The following ANKHD1 variants were observed in gnomAD, a reference collection of about 807,000 sequenced individuals.
ANKHD1 encodes the protein ankyrin repeat and KH domain-containing protein 1.
In ANKHD1, 31 loss-of-function variants were observed where a neutral mutation model predicts 230.5. The ratio of observed to expected loss-of-function variants is 0.13; its 90% CI spans 0.10 to 0.18. ANKHD1 has a LOEUF of 0.18. Among genes scored for constraint, ANKHD1 ranks in the 10% least tolerant of loss-of-function variants. The pLI, the probability that ANKHD1 is intolerant of heterozygous loss-of-function variation, is 1.00. For synonymous variants in ANKHD1, 1,074 were observed against 1,117.6 expected, an observed-to-expected ratio of 0.96 and a Z score of 0.78; for missense variants, 2,256 against 3,071.3, an observed-to-expected ratio of 0.73 and a Z score of 6.27.
At chr5:140,428,163 G>A (rs1216980408) in intron 1 of ANKHD1, among the ~76,000 whole-genome samples, 1 of 151,718 alleles carries the variant, frequency 6.6e-6, no homozygotes, top group Non-Finnish European at 1.5e-5. Context: ...TGGGCAGCCA[G>A]GCAGAGGGGC....
At chr5:140,532,962 G>C (rs1311589292) in intron 29 of ANKHD1, 4 of 257,164 alleles carry the variant, frequency 1.6e-5, no homozygotes, top group East Asian at 1.6e-4. Flanking sequence ...GCCAGGCATG[G>C]TGGTGGGTGC....
chr5:140,535,636 G>A (rs925553899), intron 30 of ANKHD1, 98 bp downstream of exon 30: 7 of 1,401,086 alleles, frequency 5.0e-6, no homozygotes, highest in Non-Finnish European at 6.5e-6. Flanking sequence ...AGTAAACTAA[G>A]TGGTATACAG....
Position 140,539,525 on chromosome 5 carries a change from C to A in ANKHD1, c.*107C>A. ...TAAGAAATTTTCTCTGAGGCTTTAG[C>A]AATGGAAATTTGATTGCCCATTGTA... On this transcript the variant is annotated 3_prime_UTR_variant, in exon 34 of 34. Coordinates refer to ENST00000360839, the MANE Select transcript of ANKHD1 (RefSeq NM_017747.3). 1 of 1,276,004 alleles carries A rather than the reference C, an allele frequency of 7.8e-7. No homozygotes were observed. Among genetic ancestry groups the A allele is most frequent in the Non-Finnish European group, 1.1e-6 (1 of 915,606 alleles). The allele number at this position is 1,276,004 out of a possible 1,614,324, so 79.0% of individuals were successfully genotyped here. A position where few individuals can be genotyped will look rare whatever the true frequency, so the allele number is the denominator to read the frequency against.
At chr5:140,421,177 G>A (rs1160649195) in intron 1 of ANKHD1, among the ~76,000 whole-genome samples, 2 of 152,042 alleles carry the variant, frequency 1.3e-5, no homozygotes, top group Non-Finnish European at 2.9e-5. Context: ...GTTGGTTTGG[G>A]TAGTTGTCTT....
chr5:140,470,611 C>CTTTTTTTTT (rs386405120), intron 10 of ANKHD1, among the ~76,000 whole-genome samples: 24 of 71,772 alleles, frequency 3.3e-4, no homozygotes, highest in African/African-American at 7.3e-4. Context: ...CTTGTTTCTG[C>CTTTTTTTTT]TTTTTTTTTT....
intron 29 of ANKHD1, among the ~76,000 whole-genome samples, chr5:140,533,748 C>A (rs1426206007): frequency 7.1e-6 from 1 of 141,672 alleles, no homozygotes; most frequent in Non-Finnish European, 1.5e-5. Flanking sequence ...TGCACTCTAG[C>A]CTGAGTGAGA....
intron 29 of ANKHD1, among the ~76,000 whole-genome samples, chr5:140,533,751 G>GAGTGAGAGAGCAAGACCCTGTCT (rs1753943224): frequency 7.7e-6 from 1 of 130,666 alleles, no homozygotes; most frequent in African/African-American, 2.9e-5. Flanking sequence ...ACTCTAGCCT[G>GAGTGAGAGAGCAAGACCCTGTCT]AGTGAGAGAG....
chr5:140,428,739 G>A (rs1034539424), intron 1 of ANKHD1, among the ~76,000 whole-genome samples: 13 of 152,034 alleles, frequency 8.6e-5, no homozygotes, highest in Non-Finnish European at 1.6e-4. Context: ...ATGACTCTTT[G>A]TTTTGTTTTT....
intron 22 of ANKHD1, among the ~76,000 whole-genome samples, chr5:140,511,993 T>C (rs566486993): frequency 2.0e-5 from 3 of 152,154 alleles, no homozygotes; most frequent in African/African-American, 4.8e-5. Context: ...CCCAGCACTT[T>C]GGGAGGCCGA....
chr5:140,487,624 C>G (rs1266250064), intron 14 of ANKHD1, among the ~76,000 whole-genome samples: 3 of 152,114 alleles, frequency 2.0e-5, no homozygotes, highest in African/African-American at 7.2e-5. Context: ...ACTTAAAAAA[C>G]TCAAGTTTAT....
chr5:140,433,092 A>C (rs1773182576), intron 1 of ANKHD1, among the ~76,000 whole-genome samples: 1 of 144,154 alleles, frequency 6.9e-6, no homozygotes, highest in South Asian at 2.4e-4. Flanking sequence ...TCTTTTGGAG[A>C]TAGTCTTGCC....
At chr5:140,484,621 A>T (rs1325020295) in intron 11 of ANKHD1, 1 of 152,344 alleles carries the variant, frequency 6.6e-6, no homozygotes. Context: ...TTTGAGTTAT[A>T]TACAGTGGTG....
At chr5:140,416,927 T>C (rs1771446590) in intron 1 of ANKHD1, among the ~76,000 whole-genome samples, 1 of 151,934 alleles carries the variant, frequency 6.6e-6, no homozygotes, top group Non-Finnish European at 1.5e-5. Flanking sequence ...TATAGATTGT[T>C]TTGGATGAGA....
intron 24 of ANKHD1, among the ~76,000 whole-genome samples, chr5:140,516,255 AAAAAG>A (rs1463931988): frequency 5.3e-5 from 8 of 152,350 alleles, no homozygotes; most frequent in African/African-American, 1.9e-4. Context: ...AAAAAAGAAT[AAAAAG>A]AAACGAGCAA....
intron 1 of ANKHD1, among the ~76,000 whole-genome samples, chr5:140,415,933 C>T (rs1026423078): frequency 6.6e-6 from 1 of 151,994 alleles, no homozygotes; most frequent in Non-Finnish European, 1.5e-5. Flanking sequence ...GCTATCCCTT[C>T]CCCCTCCCCT....
At chr5:140,528,093 T>A (rs1753678563) in intron 28 of ANKHD1, 71 bp downstream of exon 28, 1 of 1,569,950 alleles carries the variant, frequency 6.4e-7, no homozygotes, top group Non-Finnish European at 8.6e-7. Context: ...TCAGGTATGG[T>A]ATAATTAAGA....
At chr5:140,514,746 G>A (rs1279981836) in intron 24 of ANKHD1, among the ~76,000 whole-genome samples, 1 of 151,932 alleles carries the variant, frequency 6.6e-6, no homozygotes, top group African/African-American at 2.4e-5. Context: ...CTAGGCTAGA[G>A]GATGGCTTGA....
In ANKHD1 at chr5:140,485,528, G is replaced by T. The variant is rs1751469001; in HGVS notation, c.1999-61G>T. On this transcript the variant is annotated intron_variant, in intron 12 of 33. Transcript: ENST00000360839. The surrounding 1 kb of genome is among the most constrained non-coding windows in gnomAD (Gnocchi z 4.8). Reference sequence around the variant, plus strand: ...ATTTAATACTGTTTAAATGAGTTTTGATTTTATATGAGCTGCTAAGAAACT... The same window carrying T: ...ATTTAATACTGTTTAAATGAGTTTTTATTTTATATGAGCTGCTAAGAAACT... The T allele has an allele frequency of 1.9e-6, 3 of 1,595,120 alleles. No homozygotes were observed. Among genetic ancestry groups the T allele is most frequent in the Non-Finnish European group, 2.6e-6 (3 of 1,172,508 alleles).
At chr5:140,468,115 C>T (rs1359121866) in intron 10 of ANKHD1, among the ~76,000 whole-genome samples, 3 of 111,520 alleles carry the variant, frequency 2.7e-5, no homozygotes, top group African/African-American at 1.1e-4. Context: ...GGCTCTGTTA[C>T]CCAGGGTGGA....
Sources: allele counts gnomAD v4.1 joint callset (sites outside exome capture counted in the v4.1 genomes callset), GRCh38; gene constraint gnomAD v4.1.1; non-coding constraint Gnocchi (gnomAD v3.1); transcripts MANE v1.5; gene names NCBI Gene and HGNC (gene_info 2026-07-23, HGNC 2026-07-21).